The following GAS6 variants were observed in gnomAD, a reference collection of about 807,000 sequenced individuals.
The protein encoded by GAS6 is growth arrest specific 6, also known as growth arrest-specific protein 6.
A neutral mutation model predicts 75.8 loss-of-function variants in GAS6; 41 were observed. That is an observed-to-expected ratio of 0.54 (90% CI 0.42 to 0.70). GAS6 has a LOEUF of 0.70. Among genes scored for constraint, GAS6 ranks in the 30% least tolerant of loss-of-function variants. GAS6 has a pLI of 0.00. For missense variants in GAS6, 854 were observed against 940.2 expected, an observed-to-expected ratio of 0.91 and a Z score of 1.20; for synonymous variants, 432 against 412.6, an observed-to-expected ratio of 1.05 and a Z score of -0.57.
rs200529251 is a variant in GAS6, at chr13:113,827,024, G to A, written c.1449C>T (p.Ser483=). The change falls in exon 12 of 15, where the codon AGC becomes AGT. Residue 483 remains serine, a synonymous_variant. Transcript: ENST00000327773. ...VTERGSFYPG[S]GFAFYSLDYM... is the part of the protein sequence containing the mutation. ...AGTCCAGGCTGTAGAAGGCGAAGCC[G>A]CTCCCGGGGTAGAAAGAGCCTCTCT... 9.4e-5 allele frequency: 152 copies of A among 1,613,250 alleles called. No individual in the cohort carries two copies. The highest frequency in any genetic ancestry group is 1.6e-4 in the Middle Eastern group (1 of 6,062).
rs2051729530 is a variant in GAS6, at chr13:113,837,479, C to A, written c.589+590G>T. ...GGGAGGGAGGAGGAAGGTGCTCCCC[C>A]TGCAAAGTGGCAAAGGGCCAGTGGC... On this transcript the variant is annotated intron_variant, in intron 6 of 14. Transcript: ENST00000327773. The surrounding 1 kb of genome is among the most constrained non-coding windows in gnomAD (Gnocchi z 5.1). 6.6e-6 allele frequency among the ~76,000 whole-genome samples: 1 copy of A among 152,166 alleles called. No individual in the cohort carries two copies. The highest frequency in any genetic ancestry group is 1.5e-5 in the Non-Finnish European group (1 of 68,022).
At position 113,828,551 on chromosome 13, in the gene GAS6, T is replaced by C. The variant is rs1445543440; in HGVS notation, c.1304A>G (p.Gln435Arg). The C allele has an allele frequency of 1.2e-6, 2 of 1,613,192 alleles. No homozygotes were observed. Among genetic ancestry groups the C allele is most frequent in the Admixed American group, 3.3e-5 (2 of 59,976 alleles). ...AGGGACAGGTACAGTACTCACAGGC[T>C]GCACGAGGTCCTTCTCATGGAAGGG... ...GIPFHEKDLV[Q>R]PINPRLDGCM... The change falls in exon 11 of 15, where the codon CAG becomes CGG. Residue 435 changes from glutamine (Q) to arginine (R), a missense_variant. Transcript: ENST00000327773.
intron 10 of GAS6, among the ~76,000 whole-genome samples, chr13:113,830,828 C>G (rs1343555940): frequency 6.6e-6 from 1 of 152,118 alleles, no homozygotes; most frequent in Non-Finnish European, 1.5e-5. Flanking sequence ...CAGGCGACCT[C>G]GCCTCAGGCC....
intron 6 of GAS6, 142 bp from the exon 7 acceptor site, chr13:113,835,777 C>T: frequency 6.8e-7 from 1 of 1,464,614 alleles, no homozygotes; most frequent in South Asian, 1.4e-5. Flanking sequence ...GGCCCCATTT[C>T]CCTGCCCTCC....
At chr13:113,858,075 C>A (rs1269456043) in intron 2 of GAS6, among the ~76,000 whole-genome samples, 2 of 152,360 alleles carry the variant, frequency 1.3e-5, no homozygotes, top group African/African-American at 4.8e-5. Flanking sequence ...TGGAGAGACC[C>A]TGGGGGTCTG....
chr13:113,841,449 CCGCGTTTCCTCCGTATG>C (rs2051774776), intron 4 of GAS6: 2 of 153,590 alleles, frequency 1.3e-5, no homozygotes, highest in African/African-American at 4.8e-5. Context: ...CTCCGTACAC[CCGCGTTTCCTCCGTATG>C]CCCCAGTTTC....
intron 11 of GAS6, 111 bp downstream of exon 11, chr13:113,828,436 T>C: frequency 1.7e-6 from 2 of 1,149,458 alleles, no homozygotes; most frequent in Non-Finnish European, 1.2e-6. Context: ...TAGGTCCTCC[T>C]CACACCTGGT....
intron 14 of GAS6, chr13:113,821,526 GC>G (rs1266293780): frequency 4.2e-6 from 1 of 237,916 alleles, no homozygotes; most frequent in African/African-American, 2.2e-5. Flanking sequence ...GTGCTGTGTA[GC>G]CCATGGGACA....
chr13:113,826,094 ACAG>A (rs1343870667), intron 12 of GAS6, among the ~76,000 whole-genome samples: 1 of 152,102 alleles, frequency 6.6e-6, no homozygotes, highest in East Asian at 1.9e-4. Context: ...CACTATCCTC[ACAG>A]CAGCACCCCC....
chr13:113,830,057 G>C (rs2051611122), intron 10 of GAS6, among the ~76,000 whole-genome samples: 1 of 152,268 alleles, frequency 6.6e-6, no homozygotes, highest in Non-Finnish European at 1.5e-5. Flanking sequence ...GGCCCTCGAT[G>C]CATCAATGTG....
At position 113,834,535 on chromosome 13, in the gene GAS6, G is replaced by A. The variant is rs748872831; in HGVS notation, c.834+16C>T. ...GGAACCACCGTGAAGGGCCCGCGGG[G>A]CCAGGGGCCGCCTACCTCACAGGTG... On this transcript the variant is annotated intron_variant, in intron 8 of 14. Transcript: ENST00000327773. The A allele has an allele frequency of 3.1e-5, 47 of 1,539,106 alleles. No homozygotes were observed. In the East Asian group the frequency reaches 3.3e-4, roughly 11 times the overall value.
chr13:113,830,320 G>A (rs887387832), intron 10 of GAS6, among the ~76,000 whole-genome samples: 4 of 152,094 alleles, frequency 2.6e-5, no homozygotes, highest in African/African-American at 4.8e-5. Context: ...GGGGTGCTGC[G>A]GCCGCTGTGA....
At chr13:113,849,271 G>A (rs1566371365) in intron 2 of GAS6, among the ~76,000 whole-genome samples, 2 of 152,312 alleles carry the variant, frequency 1.3e-5, no homozygotes, top group East Asian at 3.9e-4. Flanking sequence ...CGCCCTGAAG[G>A]CCAGGAGGGC....
chr13:113,846,309 T>C (rs1301212266), intron 4 of GAS6, among the ~76,000 whole-genome samples: 2 of 152,342 alleles, frequency 1.3e-5, no homozygotes, highest in South Asian at 2.1e-4. Context: ...CTGTGAAACA[T>C]TTACATTTTG....
chr13:113,859,151 CATGT>C lies in GAS6; in HGVS notation c.255+4420_255+4423del, dbSNP rs543157692. 4.4e-3 allele frequency among the ~76,000 whole-genome samples: 659 copies of C among 149,152 alleles called. 3 individuals carry two copies. Among genetic ancestry groups the C allele is most frequent in the Non-Finnish European group, 6.4e-3 (433 of 67,188 alleles). Reference sequence around the variant, plus strand: ...TTACATATGTCTATGTGAATGTGTGCATGTATGTGTACATGTCTGCTAGTATGTG... The same window carrying C: ...TTACATATGTCTATGTGAATGTGTGCATGTGTACATGTCTGCTAGTATGTG... On this transcript the variant is annotated intron_variant, in intron 2 of 14. Transcript: ENST00000327773.
intron 2 of GAS6, among the ~76,000 whole-genome samples, chr13:113,859,648 A>G (rs113632902): frequency 0.095 from 14,530 of 152,194 alleles, 918 homozygotes; most frequent in East Asian, 0.17. Flanking sequence ...CTATGGGAAC[A>G]TATGTACATG....
At chr13:113,853,918 C>T (rs866759718) in intron 2 of GAS6, among the ~76,000 whole-genome samples, 1 of 152,230 alleles carries the variant, frequency 6.6e-6, no homozygotes, top group Non-Finnish European at 1.5e-5. Flanking sequence ...TAAGTCTTCA[C>T]ACCCGCAGCA....
intron 10 of GAS6, among the ~76,000 whole-genome samples, chr13:113,831,021 A>G (rs1022614035): frequency 3.9e-5 from 6 of 152,252 alleles, no homozygotes; most frequent in African/African-American, 1.4e-4. Context: ...AATGTTTCTG[A>G]AGGGCAAGAC....
chr13:113,859,589 CAT>C (rs1204571816), intron 2 of GAS6, among the ~76,000 whole-genome samples: 2 of 151,692 alleles, frequency 1.3e-5, no homozygotes, highest in Non-Finnish European at 2.9e-5. Context: ...TACGTATGTA[CAT>C]GTCTGTTAGT....
Sources: gnomAD v4.1 joint callset for allele counts (sites outside exome capture counted in the v4.1 genomes callset) on GRCh38, gnomAD v4.1.1 for gene constraint, Gnocchi (gnomAD v3.1) non-coding constraint, MANE v1.5 for transcripts, NCBI Gene and HGNC (gene_info 2026-07-23, HGNC 2026-07-21) for gene names.